Variants in NRG1 observed in about 807,000 individuals in gnomAD.
The protein encoded by NRG1 is neuregulin 1, also known as pro-neuregulin-1, membrane-bound isoform.
NRG1 carries 18 observed loss-of-function variants against 63.8 expected under a neutral mutation model. The ratio of observed to expected loss-of-function variants is 0.28; its 90% CI spans 0.19 to 0.42. NRG1 has a LOEUF of 0.42. Among genes scored for constraint, NRG1 ranks in the 10% least tolerant of loss-of-function variants. The pLI is 1.00. For missense variants in NRG1, 762 were observed against 814.7 expected (o/e 0.94, Z 0.79); for synonymous variants, 302 against 301.3 (o/e 1.00, Z -0.02).
chr8:32,643,261 G>C (rs1457504577), intron 5 of NRG1, among the ~76,000 whole-genome samples: 5 of 152,156 alleles, frequency 3.3e-5, no homozygotes, highest in African/African-American at 1.2e-4. Flanking sequence ...TATTTCTTCT[G>C]TCCTTGAGTC....
chr8:32,571,750 T>C (rs967562223), intron 1 of NRG1, among the ~76,000 whole-genome samples: 2 of 152,208 alleles, frequency 1.3e-5, no homozygotes, highest in African/African-American at 4.8e-5. Flanking sequence ...TAGGAGTAAA[T>C]TGAGTGACTT....
rs117148968 is a variant in NRG1 at position 32,306,388 on chromosome 8, G to A, written c.38-289440G>A. On this transcript the variant is annotated intron_variant, in intron 1 of 10. Transcript: ENST00000519301. ...AGAATTTAACTACTTGTTAGCATTC[G>A]AATGGGTCCTAAGGAAACTCCCAAG... Among the ~76,000 whole-genome samples, 727 of 152,262 alleles carry A rather than the reference G, an allele frequency of 4.8e-3. 7 individuals carry two copies. Among genetic ancestry groups the A allele is most frequent in the Non-Finnish European group, 6.8e-3 (464 of 68,028 alleles).
At chr8:32,062,486 C>A (rs939817903) in intron 1 of NRG1, among the ~76,000 whole-genome samples, 4 of 152,076 alleles carry the variant, frequency 2.6e-5, no homozygotes, top group African/African-American at 9.7e-5. Flanking sequence ...TGCAATCTGA[C>A]AGCCTCATGG....
chr8:32,439,880 C>T (rs1389979644), intron 1 of NRG1, among the ~76,000 whole-genome samples: 2 of 151,086 alleles, frequency 1.3e-5, no homozygotes, highest in Admixed American at 6.6e-5. Context: ...AAGCAATCCT[C>T]ATCCTCCCAC....
chr8:31,990,228 C>T (rs1230953311), intron 1 of NRG1, among the ~76,000 whole-genome samples: 1 of 152,074 alleles, frequency 6.6e-6, no homozygotes, highest in Non-Finnish European at 1.5e-5. Context: ...GAAACTACAT[C>T]TCCAAATTCC....
chr8:32,210,005 T>C (rs1177265528), intron 1 of NRG1, among the ~76,000 whole-genome samples: 1 of 152,198 alleles, frequency 6.6e-6, no homozygotes, highest in African/African-American at 2.4e-5. Flanking sequence ...TCTTCAGATT[T>C]ATCTTCTGTA....
At chr8:31,891,709 T>A (rs938492767) in intron 1 of NRG1, among the ~76,000 whole-genome samples, 19 of 152,184 alleles carry the variant, frequency 1.2e-4, no homozygotes, top group Admixed American at 2.0e-4. Context: ...CACAGCAACT[T>A]TATTTGTAAT....
chr8:32,066,299 C>T (rs1824805536), intron 1 of NRG1, among the ~76,000 whole-genome samples: 1 of 152,136 alleles, frequency 6.6e-6, no homozygotes, highest in Non-Finnish European at 1.5e-5. Flanking sequence ...AGGTTTTCTT[C>T]TAGGGTTTTA....
chr8:32,111,683 T>C (rs1184904676), intron 1 of NRG1, among the ~76,000 whole-genome samples: 1 of 152,206 alleles, frequency 6.6e-6, no homozygotes, highest in East Asian at 1.9e-4. Context: ...GTCCTCAGTA[T>C]TTTGCCTAGT....
At chr8:32,448,918 G>A (rs1453698192) in intron 1 of NRG1, among the ~76,000 whole-genome samples, 1 of 152,112 alleles carries the variant, frequency 6.6e-6, no homozygotes, top group Non-Finnish European at 1.5e-5. Flanking sequence ...GTGTGTTTAG[G>A]AAGGATGTGA....
At chr8:32,572,029 A>G (rs533651056) in intron 1 of NRG1, among the ~76,000 whole-genome samples, 29 of 152,206 alleles carry the variant, frequency 1.9e-4, no homozygotes, top group African/African-American at 6.3e-4. Flanking sequence ...TTTATGTCCT[A>G]TCTTCTCTAT....
At chr8:31,740,291 T>C (rs1293904129) in intron 1 of NRG1, among the ~76,000 whole-genome samples, 1 of 152,094 alleles carries the variant, frequency 6.6e-6, no homozygotes, top group Non-Finnish European at 1.5e-5. Flanking sequence ...ATTGCTAATT[T>C]TGAGTTCAAT....
chr8:32,058,721 TCTC>T (rs1823367715), intron 1 of NRG1, among the ~76,000 whole-genome samples: 2 of 152,124 alleles, frequency 1.3e-5, no homozygotes, highest in African/African-American at 4.8e-5. Flanking sequence ...CTATTAATCT[TCTC>T]CTTCTATTTA....
intron 1 of NRG1, among the ~76,000 whole-genome samples, chr8:32,148,670 A>G (rs1313401834): frequency 6.6e-6 from 1 of 152,208 alleles, no homozygotes; most frequent in Non-Finnish European, 1.5e-5. Context: ...AATTTAATAG[A>G]TGTGTTTAAA....
chr8:32,735,701 G>C (rs187936849), intron 6 of NRG1, among the ~76,000 whole-genome samples: 1 of 152,120 alleles, frequency 6.6e-6, no homozygotes, highest in Admixed American at 6.6e-5. Context: ...CCAACTTAAG[G>C]ATTCATCATG....
chr8:32,498,956 C>T (rs1827538915), intron 1 of NRG1, among the ~76,000 whole-genome samples: 2 of 152,176 alleles, frequency 1.3e-5, no homozygotes, highest in South Asian at 2.1e-4. Flanking sequence ...TTTCAACCTC[C>T]TTCATCTCTA....
chr8:32,467,322 G>A (rs142694029), intron 1 of NRG1, among the ~76,000 whole-genome samples: 5 of 152,210 alleles, frequency 3.3e-5, no homozygotes, highest in African/African-American at 1.2e-4. Flanking sequence ...GTCTCCATCA[G>A]CCTTTTGTCA....
intron 1 of NRG1, among the ~76,000 whole-genome samples, chr8:32,092,621 C>T (rs2131284922): frequency 6.6e-6 from 1 of 152,120 alleles, no homozygotes; most frequent in South Asian, 2.1e-4. Flanking sequence ...ATAAAGAAGC[C>T]TCTTGAGGGA....
At chr8:31,939,198 A>G (rs1323896260) in intron 1 of NRG1, among the ~76,000 whole-genome samples, 1 of 152,186 alleles carries the variant, frequency 6.6e-6, no homozygotes, top group Non-Finnish European at 1.5e-5. Flanking sequence ...AATATCTATC[A>G]GGTTAACAGA....
Sources: allele counts gnomAD v4.1 joint callset (sites outside exome capture counted in the v4.1 genomes callset), GRCh38; gene constraint gnomAD v4.1.1; transcripts MANE v1.5; gene names NCBI Gene and HGNC (gene_info 2026-07-23, HGNC 2026-07-21).